The following FHIP1A variants were observed in gnomAD, a reference collection of about 807,000 sequenced individuals.
FHIP1A encodes the protein FHF complex subunit HOOK-interacting protein 1A.
FHIP1A carries 61 observed loss-of-function variants against 88.6 expected under a neutral mutation model. That is an observed-to-expected ratio of 0.69 (90% CI 0.56 to 0.85). The LOEUF is 0.85. FHIP1A is among the 40% of genes least tolerant of loss of function. The pLI is 0.00. For synonymous variants in FHIP1A, 478 were observed against 496.0 expected (o/e 0.96, Z 0.48); for missense variants, 1,154 against 1,273.5 (o/e 0.91, Z 1.43).
chr4:151,558,711 T>C lies in FHIP1A; in HGVS notation c.-122-7427T>C, dbSNP rs577846389. Among the ~76,000 whole-genome samples, 6 of 152,308 alleles carry C rather than the reference T, an allele frequency of 3.9e-5. No individual in the cohort carries two copies. In the South Asian group the frequency reaches 1.2e-3, roughly 32 times the overall value. On this transcript the variant is annotated intron_variant, in intron 3 of 13. Transcript: ENST00000435205. ...TTCGTTGTTCCTTAAAAAGAGGTCC[T>C]AGAAAAAATTGTTGAGAACCATTGA...
chr4:151,630,571 T>TG (rs1408764903), intron 8 of FHIP1A, among the ~76,000 whole-genome samples: 1 of 152,154 alleles, frequency 6.6e-6, no homozygotes, highest in Non-Finnish European at 1.5e-5. Context: ...TCTGATAAGT[T>TG]AAAATGTATA....
chr4:151,425,095 C>T (rs1733312010), intron 1 of FHIP1A, among the ~76,000 whole-genome samples: 1 of 152,140 alleles, frequency 6.6e-6, no homozygotes, highest in African/African-American at 2.4e-5. Context: ...ATAGATGTTA[C>T]ATGCCTCTTA....
Position 151,557,920 on chromosome 4 carries a change from G to A in FHIP1A, c.-122-8218G>A, listed in dbSNP as rs565394081. Among the ~76,000 whole-genome samples, 14 of 152,290 alleles carry A rather than the reference G, an allele frequency of 9.2e-5. No homozygotes were observed. The South Asian group carries it at 2.9e-3, about 32-fold the overall frequency. ...TCTGTATGCTGAGCTAGACTTACACGTGTATGTGCGTGTGCTACAGTGTAT... is the reference window on the plus strand; with the variant it reads ...TCTGTATGCTGAGCTAGACTTACACATGTATGTGCGTGTGCTACAGTGTAT... On this transcript the variant is annotated intron_variant, in intron 3 of 13. Coordinates refer to ENST00000435205, the MANE Select transcript of FHIP1A (RefSeq NM_001109977.3).
intron 3 of FHIP1A, among the ~76,000 whole-genome samples, chr4:151,563,013 C>A (rs1307704472): frequency 6.6e-6 from 1 of 151,900 alleles, no homozygotes; most frequent in Non-Finnish European, 1.5e-5. Context: ...TGAAAAACAG[C>A]AAATAAAAAT....
At chr4:151,542,751 A>G (rs185348174) in intron 3 of FHIP1A, among the ~76,000 whole-genome samples, 1 of 152,284 alleles carries the variant, frequency 6.6e-6, no homozygotes, top group Non-Finnish European at 1.5e-5. Flanking sequence ...CCTGGGGGAA[A>G]TAAGCTTGTT....
At chr4:151,652,514 T>C (rs1196560641) in intron 11 of FHIP1A, among the ~76,000 whole-genome samples, 1 of 152,246 alleles carries the variant, frequency 6.6e-6, no homozygotes, top group African/African-American at 2.4e-5. Context: ...AATCTTTTAT[T>C]GATCCCCTGA....
intron 8 of FHIP1A, among the ~76,000 whole-genome samples, chr4:151,634,416 A>C (rs1736272084): frequency 1.3e-5 from 2 of 151,866 alleles, no homozygotes; most frequent in African/African-American, 4.8e-5. Context: ...AAAAAATCCC[A>C]AAATTTATAT....
chr4:151,430,814 T>C (rs1361883775), intron 1 of FHIP1A, among the ~76,000 whole-genome samples: 2 of 152,228 alleles, frequency 1.3e-5, no homozygotes, highest in African/African-American at 4.8e-5. Flanking sequence ...GCTTTCAGTA[T>C]AGTAGACGGC....
chr4:151,660,336 A>G (rs991458919), intron 13 of FHIP1A, among the ~76,000 whole-genome samples: 5 of 152,210 alleles, frequency 3.3e-5, no homozygotes, highest in African/African-American at 9.6e-5. Context: ...AGCCTTAGCA[A>G]TGACACTTTT....
chr4:151,448,813 A>C (rs1728695600), intron 1 of FHIP1A, among the ~76,000 whole-genome samples: 1 of 152,168 alleles, frequency 6.6e-6, no homozygotes, highest in Non-Finnish European at 1.5e-5. Flanking sequence ...GTATGTATTT[A>C]ATACCCAGGA....
At chr4:151,544,818 T>G (rs1249777392) in intron 3 of FHIP1A, among the ~76,000 whole-genome samples, 1 of 152,174 alleles carries the variant, frequency 6.6e-6, no homozygotes, top group East Asian at 1.9e-4. Context: ...CTCTGCAGGT[T>G]CAGAGGTGTG....
chr4:151,642,203 T>C (rs995454599), intron 9 of FHIP1A, among the ~76,000 whole-genome samples: 1 of 152,224 alleles, frequency 6.6e-6, no homozygotes, highest in Non-Finnish European at 1.5e-5. Flanking sequence ...TGACAAGCAG[T>C]GAGGTAACAA....
At chr4:151,503,247 C>T (rs1226171260) in intron 3 of FHIP1A, among the ~76,000 whole-genome samples, 5 of 152,142 alleles carry the variant, frequency 3.3e-5, no homozygotes, top group Admixed American at 2.0e-4. Flanking sequence ...GCATGAATGG[C>T]ATACAGGGGA....
intron 3 of FHIP1A, among the ~76,000 whole-genome samples, chr4:151,545,369 C>CTTATTTTTTTTTTTT (rs1732452899): frequency 1.2e-5 from 1 of 81,652 alleles, no homozygotes; most frequent in African/African-American, 5.1e-5. Context: ...CCTTATCCTT[C>CTTATTTTTTTTTTTT]TTTTTTTTTT....
At chr4:151,431,107 G>A (rs1733573769) in intron 1 of FHIP1A, among the ~76,000 whole-genome samples, 1 of 152,154 alleles carries the variant, frequency 6.6e-6, no homozygotes, top group African/African-American at 2.4e-5. Context: ...ACTGCTTCTA[G>A]GATAAATATC....
chr4:151,587,204 TA>T (rs1734251942), intron 6 of FHIP1A, among the ~76,000 whole-genome samples: 2 of 152,198 alleles, frequency 1.3e-5, no homozygotes, highest in South Asian at 4.1e-4. Context: ...GCATACTACA[TA>T]AAGAATATTG....
At chr4:151,620,594 A>G (rs569101906) in intron 7 of FHIP1A, among the ~76,000 whole-genome samples, 71 of 152,230 alleles carry the variant, frequency 4.7e-4, no homozygotes, top group African/African-American at 1.6e-3. Flanking sequence ...TCTTATCACA[A>G]ATAGGCACAG....
intron 2 of FHIP1A, among the ~76,000 whole-genome samples, chr4:151,471,299 T>TA (rs1554080077): frequency 1.3e-4 from 18 of 140,968 alleles, no homozygotes; most frequent in African/African-American, 4.4e-4. Context: ...TTTTTTTTTT[T>TA]AAACTTTAGC....
At position 151,498,159 on chromosome 4, in the gene FHIP1A, G is replaced by A. The variant is rs1245766533; in HGVS notation, c.-123+15511G>A. Reference sequence around the variant, plus strand: ...TATTGTGGTAATCTTGATACCTGTTGCAGTAGTCCTAAATAAAATCTTTCT... The same window carrying A: ...TATTGTGGTAATCTTGATACCTGTTACAGTAGTCCTAAATAAAATCTTTCT... On this transcript the variant is annotated intron_variant, in intron 3 of 13. Transcript: ENST00000435205. Among the ~76,000 whole-genome samples, 4 of 152,348 alleles carry A rather than the reference G, an allele frequency of 2.6e-5. No homozygotes were observed. In the East Asian group the frequency reaches 7.7e-4, roughly 29 times the overall value.
Sources: gnomAD v4.1 joint callset for allele counts (sites outside exome capture counted in the v4.1 genomes callset) on GRCh38, gnomAD v4.1.1 for gene constraint, MANE v1.5 for transcripts, NCBI Gene and HGNC (gene_info 2026-07-23, HGNC 2026-07-21) for gene names.